The following MLLT3 variants were observed in gnomAD, a reference collection of about 807,000 sequenced individuals.
MLLT3 encodes MLLT3 super elongation complex subunit.
Under a neutral mutation model 53.2 loss-of-function variants are expected in MLLT3, and 4 were observed. The observed-to-expected ratio is 0.08, with a 90% CI of 0.04 to 0.17. The LOEUF is 0.17. Among genes scored for constraint, MLLT3 ranks in the 10% least tolerant of loss-of-function variants. The pLI is 1.00. For missense variants in MLLT3, 569 were observed against 684.0 expected (o/e 0.83, Z 1.87); for synonymous variants, 283 against 230.6 (o/e 1.23, Z -2.06).
chr9:20,374,831 C>T (rs184934831), intron 5 of MLLT3, among the ~76,000 whole-genome samples: 18 of 152,254 alleles, frequency 1.2e-4, no homozygotes, highest in African/African-American at 4.3e-4. Context: ...GCCCCCTCTA[C>T]CCTAAAATTC....
chr9:20,500,597 G>A (rs983532492), intron 2 of MLLT3, among the ~76,000 whole-genome samples: 3 of 152,114 alleles, frequency 2.0e-5, no homozygotes, highest in African/African-American at 7.2e-5. Context: ...AGTTCTCCCT[G>A]GGGCATCAAG....
chr9:20,410,854 A>C (rs557843864), intron 5 of MLLT3, among the ~76,000 whole-genome samples: 2 of 152,348 alleles, frequency 1.3e-5, no homozygotes, highest in Admixed American at 6.5e-5. Context: ...TACTAGACAA[A>C]TAATCATTTT....
intron 4 of MLLT3, among the ~76,000 whole-genome samples, chr9:20,425,270 A>G (rs1392466291): frequency 6.6e-6 from 1 of 152,182 alleles, no homozygotes; most frequent in African/African-American, 2.4e-5. Context: ...ATTCTCATGT[A>G]AAAATAGCAG....
intron 2 of MLLT3, among the ~76,000 whole-genome samples, chr9:20,592,205 A>G (rs1011687506): frequency 6.6e-6 from 1 of 152,138 alleles, no homozygotes; most frequent in Admixed American, 6.5e-5. Flanking sequence ...TAACCCTATC[A>G]TCTCCCCTAC....
rs117606758 is a variant in MLLT3, at chr9:20,448,014, C to G, written c.420+109G>C. ...TTAAGGTACATCATTTCTTTTACCT[C>G]TCCCAAAACCTTATACTTTTTAACA... On this transcript the variant is annotated intron_variant, in intron 4 of 10. Transcript: ENST00000380338. This position sits in a 1 kb window ranked among gnomAD's most constrained non-coding sequence, Gnocchi z 4.0. 3.2e-6 allele frequency: 4 copies of G among 1,234,996 alleles called. No homozygotes were observed. The highest frequency in any genetic ancestry group is 4.5e-6 in the Non-Finnish European group (4 of 890,248). The allele number at this position is 1,234,996 out of a possible 1,614,324, so 76.5% of individuals were successfully genotyped here.
chr9:20,413,987 T>C lies in MLLT3; in HGVS notation c.859A>G (p.Ile287Val). ...GCTGAGAGTTCTTCAGAATCTGAAATGGGCGGCCTTTTACTAGGAGCCTTC... is the reference window on the plus strand; with the variant it reads ...GCTGAGAGTTCTTCAGAATCTGAAACGGGCGGCCTTTTACTAGGAGCCTTC... ...DKKAPSKRPP[I>V]SDSEELSAKK... The change falls in exon 5 of 11, where the codon ATT (isoleucine) becomes GTT (valine). Residue 287 changes from isoleucine (I) to valine (V), a missense_variant. This residue lies in a region of MLLT3 where 437 missense variants were observed against 376.5 expected (regional missense o/e 1.16). Transcript: ENST00000380338. The C allele has an allele frequency of 6.2e-7, 1 of 1,614,104 alleles. No individual in the cohort carries two copies. The highest frequency in any genetic ancestry group is 8.5e-7 in the Non-Finnish European group (1 of 1,179,998).
chr9:20,531,628 C>G (rs767787307), intron 2 of MLLT3, among the ~76,000 whole-genome samples: 2 of 152,128 alleles, frequency 1.3e-5, no homozygotes, highest in Non-Finnish European at 2.9e-5. Context: ...TCCACACTTT[C>G]ACTAGCAATA....
chr9:20,577,423 T>C (rs939601673), intron 2 of MLLT3, among the ~76,000 whole-genome samples: 1 of 152,164 alleles, frequency 6.6e-6, no homozygotes, highest in African/African-American at 2.4e-5. Flanking sequence ...TCTGAAGAAA[T>C]GCCCTCCAGA....
intron 4 of MLLT3, among the ~76,000 whole-genome samples, chr9:20,430,840 AAAC>A (rs1261144686): frequency 3.9e-5 from 6 of 152,122 alleles, no homozygotes; most frequent in African/African-American, 1.4e-4. Flanking sequence ...TAGTAAATAG[AAAC>A]AACAATGAAC....
chr9:20,496,575 C>G (rs887247831), intron 2 of MLLT3, among the ~76,000 whole-genome samples: 1 of 152,142 alleles, frequency 6.6e-6, no homozygotes, highest in African/African-American at 2.4e-5. Context: ...AAAATAAGCA[C>G]TACAATTACA....
chr9:20,565,966 ATTTATATATATATATATT>A (rs1563820579), intron 2 of MLLT3, among the ~76,000 whole-genome samples: 75 of 31,986 alleles, frequency 2.3e-3, no homozygotes, highest in African/African-American at 8.7e-3. Context: ...ATATATATAT[ATTTATATATATATATATT>A]TATTTATATA....
chr9:20,582,523 T>C (rs1364618662), intron 2 of MLLT3, among the ~76,000 whole-genome samples: 1 of 152,174 alleles, frequency 6.6e-6, no homozygotes, highest in Non-Finnish European at 1.5e-5. Context: ...CTTCTTTCAA[T>C]TGGCAATATG....
At position 20,620,750 on chromosome 9, in the gene MLLT3, T is replaced by A; in HGVS notation, c.97A>T (p.Met33Leu). The change falls in exon 2 of 11, where the codon ATG (methionine) becomes TTG (leucine). Residue 33 changes from methionine (M) to leucine (L), a missense_variant. Around this residue, in one of 5 missense-constraint regions of MLLT3, gnomAD observed 35 missense variants for 136.8 expected, o/e 0.26. Coordinates refer to ENST00000380338, the MANE Select transcript of MLLT3 (RefSeq NM_004529.4). This position sits in a 1 kb window ranked among gnomAD's most constrained non-coding sequence, Gnocchi z 6.1. ...PTVEGFTHDW[M>L]VFVRGPEHSN... is the part of the protein sequence containing the mutation. ...TGCTCCGGACCGCGTACGAACACCA[T>A]CCAGTCGTGGGTGAAGCCCTCCACG... 6.2e-7 allele frequency: 1 copy of A among 1,614,138 alleles called. No homozygotes were observed. Among genetic ancestry groups the A allele is most frequent in the Non-Finnish European group, 8.5e-7 (1 of 1,180,014 alleles).
At chr9:20,431,028 T>G (rs943148545) in intron 4 of MLLT3, among the ~76,000 whole-genome samples, 3 of 152,136 alleles carry the variant, frequency 2.0e-5, no homozygotes, top group African/African-American at 7.2e-5. Flanking sequence ...GATACAACTT[T>G]ATGTGCTTAC....
chr9:20,483,257 C>T (rs1249607622), intron 2 of MLLT3, among the ~76,000 whole-genome samples: 1 of 134,456 alleles, frequency 7.4e-6, no homozygotes, highest in African/African-American at 2.9e-5. Context: ...TTTTTTGAGA[C>T]AGGTTCTTGC....
chr9:20,363,692 C>A, intron 6 of MLLT3, 87 bp from the exon 7 acceptor site: 1 of 1,250,020 alleles, frequency 8.0e-7, no homozygotes, highest in Non-Finnish European at 1.1e-6. Context: ...CTTACCAGCA[C>A]TGAACACTGG....
chr9:20,585,539 G>C (rs1472582107), intron 2 of MLLT3, among the ~76,000 whole-genome samples: 6 of 152,224 alleles, frequency 3.9e-5, no homozygotes, highest in African/African-American at 1.4e-4. Context: ...ACTCCCACCA[G>C]CAGTGAATGT....
chr9:20,343,007 T>C lies in MLLT3; in HGVS notation c.*3436A>G. 2 of 190,278 alleles carry C rather than the reference T, an allele frequency of 1.1e-5. No homozygotes were observed. The highest frequency in any genetic ancestry group is 2.2e-5 in the Non-Finnish European group (2 of 91,356). The allele number at this position is 190,278 out of a possible 1,614,324, so 11.8% of individuals were successfully genotyped here. On this transcript the variant is annotated 3_prime_UTR_variant, in exon 11 of 11. Coordinates refer to ENST00000380338, the MANE Select transcript of MLLT3 (RefSeq NM_004529.4). ...AACAGACACTGACTGTTTCCAACAC[T>C]GGACATCCAACTCCATTAAGTAGGC... is the stretch of plus-strand genomic sequence containing the variant.
chr9:20,449,491 C>T (rs1377553868), intron 3 of MLLT3, among the ~76,000 whole-genome samples: 1 of 152,180 alleles, frequency 6.6e-6, no homozygotes, highest in Non-Finnish European at 1.5e-5. Context: ...AATACAGACT[C>T]AAGATAATAA....
Sources: gnomAD v4.1 joint callset for allele counts (sites outside exome capture counted in the v4.1 genomes callset) on GRCh38, gnomAD v4.1.1 for gene constraint, gnomAD v4.1.1 regional missense constraint, Gnocchi (gnomAD v3.1) non-coding constraint, MANE v1.5 for transcripts, NCBI Gene and HGNC (gene_info 2026-07-23, HGNC 2026-07-21) for gene names.